The following FGF13 variants were observed in gnomAD, a reference collection of about 807,000 sequenced individuals.
FGF13 encodes fibroblast growth factor homologous factor 2.
In FGF13, 2 loss-of-function variants were observed where a neutral mutation model predicts 19.5. The ratio of observed to expected loss-of-function variants is 0.10; its 90% CI spans 0.04 to 0.32. FGF13 has a LOEUF of 0.32. Ranked by LOEUF, FGF13 falls within the 10% of genes least tolerant of loss-of-function variation. The pLI, the probability that FGF13 is intolerant of heterozygous loss-of-function variation, is 1.00. For missense variants in FGF13, 113 were observed against 192.7 expected (o/e 0.59, Z 2.45); for synonymous variants, 72 against 76.9 (o/e 0.94, Z 0.33).
chrX:138,966,417 G>A (rs1369424186), intron 1 of FGF13, among the ~76,000 whole-genome samples: 1 of 112,226 alleles, frequency 8.9e-6, no homozygotes, highest in Non-Finnish European at 1.9e-5. Flanking sequence ...TAACCTGGAT[G>A]TGAGATGAGA....
chrX:138,879,899 C>T (rs968671208), intron 1 of FGF13, among the ~76,000 whole-genome samples: 1 of 111,931 alleles, frequency 8.9e-6, no homozygotes, highest in Non-Finnish European at 1.9e-5. Flanking sequence ...AGGCAACCTA[C>T]GGAATGGGAA....
chrX:139,182,433 T>C (rs749738377), intron 1 of FGF13, among the ~76,000 whole-genome samples: 2 of 112,465 alleles, frequency 1.8e-5, no homozygotes, highest in Non-Finnish European at 3.8e-5. Flanking sequence ...GTTAAATAAA[T>C]TGAAGTGTCA....
At chrX:139,146,702 A>G (rs1223471188) in intron 1 of FGF13, among the ~76,000 whole-genome samples, 1 of 111,965 alleles carries the variant, frequency 8.9e-6, no homozygotes, top group Non-Finnish European at 1.9e-5. Context: ...CACAATAGCA[A>G]AGACTTGGAA....
intron 4 of FGF13, among the ~76,000 whole-genome samples, chrX:138,634,037 C>T (rs2089152977): frequency 8.9e-6 from 1 of 111,813 alleles, no homozygotes; most frequent in African/African-American, 3.3e-5. Context: ...ACCTCCCTAT[C>T]TTCCATAGCC....
chrX:139,066,540 T>C (rs781596215), intron 1 of FGF13, among the ~76,000 whole-genome samples: 26 of 111,634 alleles, frequency 2.3e-4, no homozygotes, highest in Non-Finnish European at 3.6e-4. Context: ...TCTACACGAA[T>C]AAACTAGAAA....
chrX:139,103,691 G>C (rs2083534335), intron 1 of FGF13, among the ~76,000 whole-genome samples: 2 of 112,201 alleles, frequency 1.8e-5, no homozygotes, highest in Non-Finnish European at 3.8e-5. Flanking sequence ...GGTACTATAT[G>C]TGAATTATAT....
At chrX:138,703,189 G>C (rs1215730775) in intron 2 of FGF13, 102 bp from the exon 3 acceptor site, 1 of 590,997 alleles carries the variant, frequency 1.7e-6, no homozygotes, top group Admixed American at 2.5e-5. Context: ...GTAGTGTGTA[G>C]TTGGTGAGGG....
At chrX:139,065,503 A>G (rs2092352518) in intron 1 of FGF13, among the ~76,000 whole-genome samples, 1 of 106,919 alleles carries the variant, frequency 9.4e-6, no homozygotes, top group Admixed American at 1.0e-4. Flanking sequence ...AAAGAAAAAG[A>G]AAAAAGAAAG....
chrX:138,858,755 TAA>T (rs745908329), intron 2 of FGF13, among the ~76,000 whole-genome samples: 1 of 106,582 alleles, frequency 9.4e-6, no homozygotes, highest in African/African-American at 3.4e-5. Context: ...GTGGTGTTTG[TAA>T]AAAAAAAAAT....
intron 1 of FGF13, among the ~76,000 whole-genome samples, chrX:139,059,583 C>A (rs978291007): frequency 9.0e-6 from 1 of 111,531 alleles, no homozygotes; most frequent in African/African-American, 3.3e-5. Context: ...TTGTGGGGCC[C>A]AATACACAAA....
At chrX:139,063,606 G>C (rs1209886422) in intron 1 of FGF13, among the ~76,000 whole-genome samples, 2 of 111,340 alleles carry the variant, frequency 1.8e-5, no homozygotes, top group Non-Finnish European at 3.8e-5. Context: ...GAAATTTATA[G>C]AGTGTTTTAT....
At chrX:138,655,106 A>C (rs1379270657) in intron 3 of FGF13, among the ~76,000 whole-genome samples, 1 of 111,617 alleles carries the variant, frequency 9.0e-6, no homozygotes, top group East Asian at 2.8e-4. Context: ...TCTTGTCTAC[A>C]TAGTAGTTCC....
At chrX:138,957,050 A>G in intron 1 of FGF13, among the ~76,000 whole-genome samples, 1 of 111,675 alleles carries the variant, frequency 9.0e-6, no homozygotes. Flanking sequence ...TTAGGACATT[A>G]GTATATGCCT....
intron 1 of FGF13, among the ~76,000 whole-genome samples, chrX:139,108,373 A>T (rs895914877): frequency 9.0e-6 from 1 of 111,425 alleles, no homozygotes; most frequent in African/African-American, 3.3e-5. Context: ...CGGGCAGCTG[A>T]CATAGAAGAG....
Position 138,622,046 on chromosome X carries a change from C to G in FGF13, c.*10804G>C, listed in dbSNP as rs2124070615. On this transcript the variant is annotated 3_prime_UTR_variant, in exon 5 of 5. Coordinates refer to ENST00000315930, the MANE Select transcript of FGF13 (RefSeq NM_004114.5). ...TAAAGAAAATCTAATATCAATCCTTCTCAAATCTTCCAAAAAAAAAAGAAG... is the reference window on the plus strand; with the variant it reads ...TAAAGAAAATCTAATATCAATCCTTGTCAAATCTTCCAAAAAAAAAAGAAG... 1 of 100,470 alleles carries G rather than the reference C, an allele frequency of 1.0e-5. No homozygotes were observed. The highest frequency in any genetic ancestry group is 3.8e-4 in the East Asian group (1 of 2,599). The allele number at this position is 100,470 out of a possible 1,213,427, so 8.3% of individuals were successfully genotyped here.
At chrX:139,035,264 C>T (rs1323143566) in intron 1 of FGF13, among the ~76,000 whole-genome samples, 3 of 111,291 alleles carry the variant, frequency 2.7e-5, no homozygotes, top group Non-Finnish European at 5.7e-5. Flanking sequence ...TTCAAAAATG[C>T]CCCAGGCTTG....
chrX:139,136,806 C>G (rs764417324), intron 1 of FGF13, among the ~76,000 whole-genome samples: 3 of 111,756 alleles, frequency 2.7e-5, no homozygotes, highest in African/African-American at 9.8e-5. Context: ...CAAGCACATA[C>G]CAAAATGTCA....
intron 1 of FGF13, among the ~76,000 whole-genome samples, chrX:139,173,784 TC>T (rs1307323903): frequency 1.8e-5 from 2 of 112,303 alleles, no homozygotes; most frequent in Admixed American, 1.9e-4. Context: ...TGCCACATTT[TC>T]TTTATCCAGT....
intron 3 of FGF13, among the ~76,000 whole-genome samples, chrX:138,653,948 C>T (rs912407625): frequency 1.8e-5 from 2 of 111,795 alleles, no homozygotes; most frequent in Non-Finnish European, 3.8e-5. Context: ...TGGCAAATAG[C>T]GTCCCAGATT....
Sources: allele counts gnomAD v4.1 joint callset (sites outside exome capture counted in the v4.1 genomes callset), GRCh38; gene constraint gnomAD v4.1.1; transcripts MANE v1.5; gene names NCBI Gene and HGNC (gene_info 2026-07-23, HGNC 2026-07-21).